LINGO2: variants seen among roughly 807,000 people sequenced by gnomAD.
The protein encoded by LINGO2 is leucine rich repeat and Ig domain containing 2, also known as leucine-rich repeat and immunoglobulin-like domain-containing nogo receptor-interacting protein 2.
LINGO2 carries 14 observed loss-of-function variants against 30.6 expected under a neutral mutation model. The observed-to-expected ratio is 0.46, with a 90% CI of 0.30 to 0.72. LINGO2 has a LOEUF of 0.72. Among genes scored for constraint, LINGO2 ranks in the 30% least tolerant of loss-of-function variants. LINGO2 has a pLI of 0.07. For missense variants in LINGO2, 729 were observed against 751.7 expected, an observed-to-expected ratio of 0.97 and a Z score of 0.35; for synonymous variants, 317 against 288.5, an observed-to-expected ratio of 1.10 and a Z score of -1.00.
chr9:28,805,551 G>T, the LINGO2 span, among the ~76,000 whole-genome samples: 4 of 152,120 alleles, frequency 2.6e-5, no homozygotes, highest in Non-Finnish European at 5.9e-5. Context: ...TGCAACATCC[G>T]TTTATATTAA....
At chr9:29,047,650 G>A in the LINGO2 span, among the ~76,000 whole-genome samples, 12 of 152,142 alleles carry the variant, frequency 7.9e-5, no homozygotes, top group Non-Finnish European at 1.5e-4. Context: ...GATATAAAGG[G>A]CTTCCAAATT....
chr9:28,187,515 G>A (rs1819585209), intron 4 of LINGO2, among the ~76,000 whole-genome samples: 1 of 150,946 alleles, frequency 6.6e-6, no homozygotes, highest in Non-Finnish European at 1.5e-5. Flanking sequence ...AAAGACAGAG[G>A]ATTCACAGAT....
At chr9:28,569,551 A>T (rs890478339) in intron 1 of LINGO2, among the ~76,000 whole-genome samples, 1 of 151,124 alleles carries the variant, frequency 6.6e-6, no homozygotes, top group South Asian at 2.1e-4. Context: ...CAAATATTGT[A>T]TATCACTTAT....
chr9:28,283,297 G>T (rs1823392049), intron 4 of LINGO2, among the ~76,000 whole-genome samples: 1 of 152,102 alleles, frequency 6.6e-6, no homozygotes, highest in Non-Finnish European at 1.5e-5. Flanking sequence ...TTTGTTCTTT[G>T]ATGAAAAGGA....
At chr9:28,180,129 A>G (rs1272245424) in intron 4 of LINGO2, among the ~76,000 whole-genome samples, 1 of 152,148 alleles carries the variant, frequency 6.6e-6, no homozygotes. Flanking sequence ...GATTAGGGAA[A>G]TAAAACCAGA....
the LINGO2 span, among the ~76,000 whole-genome samples, chr9:28,973,319 C>G: frequency 1.3e-5 from 2 of 152,094 alleles, no homozygotes; most frequent in African/African-American, 4.8e-5. Flanking sequence ...CAATGGTGCT[C>G]CAATATGTCT....
the LINGO2 span, among the ~76,000 whole-genome samples, chr9:29,198,417 G>C: frequency 6.6e-6 from 1 of 152,098 alleles, no homozygotes. Flanking sequence ...GGAAATTGTT[G>C]AGCTGCTATA....
chr9:29,071,671 G>GA, the LINGO2 span, among the ~76,000 whole-genome samples: 2 of 151,660 alleles, frequency 1.3e-5, no homozygotes, highest in Non-Finnish European at 2.9e-5. Context: ...GAACAACTAT[G>GA]AAAAATCAGG....
chr9:29,008,961 A>C, the LINGO2 span, among the ~76,000 whole-genome samples: 1 of 152,198 alleles, frequency 6.6e-6, no homozygotes, highest in Non-Finnish European at 1.5e-5. Context: ...GATGCAAAAA[A>C]GGCCTTCAAA....
chr9:29,027,869 A>C, the LINGO2 span, among the ~76,000 whole-genome samples: 1 of 152,198 alleles, frequency 6.6e-6, no homozygotes, highest in African/African-American at 2.4e-5. Context: ...CATGGTAATT[A>C]TTGGCAATTA....
At chr9:29,041,714 T>C in the LINGO2 span, among the ~76,000 whole-genome samples, 1 of 152,036 alleles carries the variant, frequency 6.6e-6, no homozygotes, top group South Asian at 2.1e-4. Flanking sequence ...AGCAAAAACA[T>C]AGAAGAACAT....
chr9:28,396,935 A>G (rs980033099), intron 2 of LINGO2, among the ~76,000 whole-genome samples: 1 of 152,068 alleles, frequency 6.6e-6, no homozygotes, highest in African/African-American at 2.4e-5. Flanking sequence ...TCTGATAGAA[A>G]ACCACAATGA....
At chr9:28,207,834 T>A (rs188884663) in intron 4 of LINGO2, among the ~76,000 whole-genome samples, 5 of 152,274 alleles carry the variant, frequency 3.3e-5, no homozygotes, top group Admixed American at 2.0e-4. Context: ...ACTTGCAGTG[T>A]CTGCCAATAT....
At chr9:28,362,221 T>C (rs1369341411) in intron 3 of LINGO2, among the ~76,000 whole-genome samples, 3 of 151,748 alleles carry the variant, frequency 2.0e-5, no homozygotes, top group Non-Finnish European at 2.9e-5. Flanking sequence ...TGTATGTGTG[T>C]GTGTGTGTGC....
chr9:27,951,522 G>T (rs544566320), intron 5 of LINGO2, among the ~76,000 whole-genome samples: 2 of 152,230 alleles, frequency 1.3e-5, no homozygotes, highest in East Asian at 1.9e-4. Context: ...AATGATAAAT[G>T]AACTATCCCT....
intron 4 of LINGO2, among the ~76,000 whole-genome samples, chr9:28,222,729 T>C (rs1413922212): frequency 6.6e-6 from 1 of 152,088 alleles, no homozygotes. Flanking sequence ...ATAAGATCAA[T>C]CTCCACAGTT....
At chr9:28,019,544 G>A (rs1271684158) in intron 4 of LINGO2, among the ~76,000 whole-genome samples, 1 of 152,044 alleles carries the variant, frequency 6.6e-6, no homozygotes, top group African/African-American at 2.4e-5. Flanking sequence ...TTTAATCTAT[G>A]AGTATTTGCT....
chr9:28,581,467 T>C (rs10968661), intron 1 of LINGO2, among the ~76,000 whole-genome samples: 2 of 151,092 alleles, frequency 1.3e-5, no homozygotes, highest in African/African-American at 4.9e-5. Context: ...AAAAGGAAAA[T>C]CCAAAGGTCT....
chr9:28,887,825 A>G, the LINGO2 span, among the ~76,000 whole-genome samples: 12 of 152,286 alleles, frequency 7.9e-5, no homozygotes, highest in South Asian at 1.0e-3. Context: ...ATTTTTCCAT[A>G]TTTATGCCAG....
Sources: allele counts gnomAD v4.1 joint callset (sites outside exome capture counted in the v4.1 genomes callset), GRCh38; gene constraint gnomAD v4.1.1; transcripts MANE v1.5; gene names NCBI Gene and HGNC (gene_info 2026-07-23, HGNC 2026-07-21).